The following MDGA2 variants were observed in gnomAD, a reference collection of about 807,000 sequenced individuals.
MDGA2 encodes MAM domain-containing glycosylphosphatidylinositol anchor protein 2.
A neutral mutation model predicts 117.8 loss-of-function variants in MDGA2; 40 were observed. That is an observed-to-expected ratio of 0.34 (90% confidence interval 0.26 to 0.44). The LOEUF (loss-of-function observed/expected upper bound fraction) is 0.44, where lower values mean the gene tolerates loss of function less well. Among genes scored for constraint, MDGA2 ranks in the 20% least tolerant of loss-of-function variants. MDGA2 has a pLI of 1.00. For synonymous variants in MDGA2, 452 were observed against 439.0 expected (o/e 1.03, Z -0.37); for missense variants, 1,123 against 1,250.6 (o/e 0.90, Z 1.54).
chr14:47,421,572 A>G (rs1192477052), intron 1 of MDGA2, among the ~76,000 whole-genome samples: 1 of 152,136 alleles, frequency 6.6e-6, no homozygotes, highest in African/African-American at 2.4e-5. Context: ...GTACAACCAT[A>G]CTGTGTTGAT....
At chr14:47,577,934 G>T (rs1032692871) in intron 1 of MDGA2, among the ~76,000 whole-genome samples, 4 of 152,216 alleles carry the variant, frequency 2.6e-5, no homozygotes, top group African/African-American at 9.6e-5. Flanking sequence ...ATACCCAAAG[G>T]AATATAAACC....
intron 3 of MDGA2, among the ~76,000 whole-genome samples, chr14:47,203,036 G>A (rs143133241): frequency 1.3e-5 from 2 of 151,798 alleles, no homozygotes; most frequent in African/African-American, 4.8e-5. Flanking sequence ...TGTGTTTATG[G>A]TCTTAACATA....
At chr14:47,346,200 T>C (rs564748142) in intron 1 of MDGA2, among the ~76,000 whole-genome samples, 86 of 152,222 alleles carry the variant, frequency 5.6e-4, no homozygotes, top group African/African-American at 1.9e-3. Context: ...CCCAAAAATA[T>C]GTACAATGAT....
intron 3 of MDGA2, among the ~76,000 whole-genome samples, chr14:47,206,694 AAAC>A (rs2139462130): frequency 6.6e-6 from 1 of 152,154 alleles, no homozygotes; most frequent in East Asian, 1.9e-4. Flanking sequence ...GTTCAAGACC[AAAC>A]TGGGCAACAT....
intron 3 of MDGA2, among the ~76,000 whole-genome samples, chr14:47,153,967 T>C (rs916690358): frequency 6.6e-6 from 1 of 152,192 alleles, no homozygotes; most frequent in Admixed American, 6.5e-5. Context: ...AGCATTTTCC[T>C]GTACTTTACA....
intron 10 of MDGA2, among the ~76,000 whole-genome samples, chr14:46,895,440 G>T (rs569588715): frequency 2.0e-5 from 3 of 152,058 alleles, no homozygotes; most frequent in African/African-American, 7.2e-5. Context: ...AGAATAACTA[G>T]GTTGGCCAGG....
chr14:47,062,291 A>G (rs1889913018), intron 6 of MDGA2, among the ~76,000 whole-genome samples: 1 of 152,018 alleles, frequency 6.6e-6, no homozygotes, highest in Non-Finnish European at 1.5e-5. Context: ...AGCTTAGAAA[A>G]CAGGTTTGTA....
intron 2 of MDGA2, among the ~76,000 whole-genome samples, chr14:47,266,560 T>C (rs1887971702): frequency 6.6e-6 from 1 of 152,166 alleles, no homozygotes; most frequent in Non-Finnish European, 1.5e-5. Flanking sequence ...TCTGTCAATA[T>C]CTTAATTAAA....
chr14:47,653,764 A>C (rs905091282), intron 1 of MDGA2, among the ~76,000 whole-genome samples: 7 of 152,150 alleles, frequency 4.6e-5, no homozygotes, highest in African/African-American at 1.7e-4. Context: ...GAAAAAGAGG[A>C]GAGTCAGAGG....
chr14:47,055,870 C>A (rs954570484), intron 7 of MDGA2, among the ~76,000 whole-genome samples: 6 of 152,086 alleles, frequency 3.9e-5, no homozygotes, highest in Non-Finnish European at 8.8e-5. Context: ...TATTTACTAT[C>A]CAGCCCTTTA....
At chr14:47,378,268 C>T (rs773875608) in intron 1 of MDGA2, among the ~76,000 whole-genome samples, 1 of 152,164 alleles carries the variant, frequency 6.6e-6, no homozygotes, top group Non-Finnish European at 1.5e-5. Flanking sequence ...AAAAACAGAG[C>T]AGAAAAGCTG....
At chr14:47,041,703 T>TA (rs1354580820) in intron 7 of MDGA2, among the ~76,000 whole-genome samples, 1 of 152,030 alleles carries the variant, frequency 6.6e-6, no homozygotes, top group African/African-American at 2.4e-5. Flanking sequence ...TCACAGACTG[T>TA]AAAATGAAGC....
At chr14:46,943,051 T>G (rs1281983128) in intron 9 of MDGA2, among the ~76,000 whole-genome samples, 1 of 152,102 alleles carries the variant, frequency 6.6e-6, no homozygotes, top group Non-Finnish European at 1.5e-5. Context: ...ATTTTTTATT[T>G]AGGAATTTTA....
intron 6 of MDGA2, among the ~76,000 whole-genome samples, chr14:47,079,429 G>C (rs545403362): frequency 2.4e-4 from 37 of 152,192 alleles, no homozygotes; most frequent in African/African-American, 8.9e-4. Context: ...TTTTTGTTAA[G>C]TATTCCCTTG....
At chr14:47,506,601 C>T (rs1894517710) in intron 1 of MDGA2, among the ~76,000 whole-genome samples, 1 of 152,216 alleles carries the variant, frequency 6.6e-6, no homozygotes, top group Admixed American at 6.5e-5. Flanking sequence ...CATTCCAGGC[C>T]TGTCCTGTGC....
chr14:46,930,892 A>G (rs1287448898), intron 9 of MDGA2, among the ~76,000 whole-genome samples: 4 of 152,062 alleles, frequency 2.6e-5, no homozygotes, highest in Non-Finnish European at 4.4e-5. Context: ...AAGGAAATCA[A>G]TTGTACTTAA....
chr14:47,235,503 A>G (rs1886828553), intron 2 of MDGA2, among the ~76,000 whole-genome samples: 1 of 152,192 alleles, frequency 6.6e-6, no homozygotes, highest in Admixed American at 6.5e-5. Context: ...AAATGCGTAG[A>G]TTAATAACAG....
At chr14:47,281,875 G>A (rs1470833351) in intron 2 of MDGA2, among the ~76,000 whole-genome samples, 1 of 151,726 alleles carries the variant, frequency 6.6e-6, no homozygotes, top group African/African-American at 2.4e-5. Flanking sequence ...TGGCCAACAT[G>A]GTGAAACTCC....
At chr14:47,614,987 T>C (rs868525332) in intron 1 of MDGA2, among the ~76,000 whole-genome samples, 4 of 152,196 alleles carry the variant, frequency 2.6e-5, no homozygotes, top group Middle Eastern at 3.2e-3. Flanking sequence ...AGTCACAAAG[T>C]AGATTCTATA....
Sources: allele counts gnomAD v4.1 joint callset (sites outside exome capture counted in the v4.1 genomes callset), GRCh38; gene constraint gnomAD v4.1.1; transcripts MANE v1.5; gene names NCBI Gene and HGNC (gene_info 2026-07-23, HGNC 2026-07-21).